FRMD3: variants seen among roughly 807,000 people sequenced by gnomAD.
FRMD3 encodes the protein FERM domain-containing protein 3.
A neutral mutation model predicts 70.2 loss-of-function variants in FRMD3; 33 were observed. That is an observed-to-expected ratio of 0.47 (90% CI 0.36 to 0.63). The LOEUF is 0.63. Ranked by LOEUF, FRMD3 falls within the 20% of genes least tolerant of loss-of-function variation. The probability of loss-of-function intolerance (pLI) is 0.00; values close to 1 mark genes in which losing one functional copy is unlikely to be tolerated. For synonymous variants in FRMD3, 279 were observed against 255.9 expected (o/e 1.09, Z -0.86); for missense variants, 632 against 711.4 (o/e 0.89, Z 1.27).
intron 3 of FRMD3, among the ~76,000 whole-genome samples, chr9:83,355,666 T>C (rs900337569): frequency 2.6e-5 from 4 of 152,134 alleles, no homozygotes; most frequent in Non-Finnish European, 5.9e-5. Context: ...CAGGGCATTA[T>C]CTAAATGTGA....
intron 2 of FRMD3, among the ~76,000 whole-genome samples, chr9:83,373,701 C>T (rs528110574): frequency 6.6e-6 from 1 of 152,112 alleles, no homozygotes; most frequent in Admixed American, 6.5e-5. Flanking sequence ...ACCATGAGGT[C>T]CCTGAAGCTG....
At chr9:83,365,839 G>C (rs540053644) in intron 3 of FRMD3, among the ~76,000 whole-genome samples, 37 of 152,308 alleles carry the variant, frequency 2.4e-4, no homozygotes, top group African/African-American at 7.7e-4. Flanking sequence ...AGCAGTTCCT[G>C]CCTGTCCCAG....
chr9:83,407,491 T>A (rs1314851149), intron 1 of FRMD3, among the ~76,000 whole-genome samples: 1 of 152,176 alleles, frequency 6.6e-6, no homozygotes, highest in Non-Finnish European at 1.5e-5. Flanking sequence ...AAAAAGGCAT[T>A]CGGCTCCACA....
At chr9:83,545,215 C>T in the FRMD3 span, among the ~76,000 whole-genome samples, 1 of 152,056 alleles carries the variant, frequency 6.6e-6, no homozygotes. Flanking sequence ...ATGAAACAGT[C>T]ATTGAAGCAA....
At chr9:83,440,127 A>G (rs1200397699) in intron 1 of FRMD3, among the ~76,000 whole-genome samples, 1 of 152,214 alleles carries the variant, frequency 6.6e-6, no homozygotes, top group Non-Finnish European at 1.5e-5. Flanking sequence ...TTCTACCAGC[A>G]GAGGAAACCA....
chr9:83,346,255 C>CAAAAAAAAAAAAAAAAAAAAA, intron 4 of FRMD3, among the ~76,000 whole-genome samples: 1 of 62,146 alleles, frequency 1.6e-5, no homozygotes, highest in African/African-American at 6.7e-5. Context: ...GACGCCATCT[C>CAAAAAAAAAAAAAAAAAAAAA]AAAAAAAAAA....
chr9:83,509,473 G>C (rs1240869283), intron 1 of FRMD3, among the ~76,000 whole-genome samples: 1 of 152,152 alleles, frequency 6.6e-6, no homozygotes, highest in Non-Finnish European at 1.5e-5. Flanking sequence ...TATTAGGTTT[G>C]TCTACTTTAA....
chr9:83,315,441 C>A (rs1002709634), intron 6 of FRMD3, among the ~76,000 whole-genome samples: 2 of 152,102 alleles, frequency 1.3e-5, no homozygotes, highest in Non-Finnish European at 2.9e-5. Context: ...TAATCCCCAA[C>A]GTTGGAGGAG....
At chr9:83,267,723 T>C (rs1403473156) in intron 13 of FRMD3, among the ~76,000 whole-genome samples, 1 of 152,210 alleles carries the variant, frequency 6.6e-6, no homozygotes, top group African/African-American at 2.4e-5. Context: ...TCAAAATTTA[T>C]TAATAATTAA....
intron 13 of FRMD3, among the ~76,000 whole-genome samples, chr9:83,252,410 C>CA (rs1287306794): frequency 6.6e-6 from 1 of 152,198 alleles, no homozygotes; most frequent in Non-Finnish European, 1.5e-5. Context: ...CCAGCCACTA[C>CA]AAAAACACAC....
At chr9:83,341,700 T>C (rs1368685152) in intron 5 of FRMD3, among the ~76,000 whole-genome samples, 1 of 152,102 alleles carries the variant, frequency 6.6e-6, no homozygotes, top group Non-Finnish European at 1.5e-5. Flanking sequence ...CATAGTGCTT[T>C]AAATGGGAAA....
intron 1 of FRMD3, among the ~76,000 whole-genome samples, chr9:83,420,225 A>G (rs1384122762): frequency 6.6e-6 from 1 of 152,158 alleles, no homozygotes; most frequent in Non-Finnish European, 1.5e-5. Flanking sequence ...ATGATGATAG[A>G]AAGTGGGAAA....
intron 6 of FRMD3, among the ~76,000 whole-genome samples, chr9:83,329,997 G>A (rs986488405): frequency 6.6e-6 from 1 of 152,084 alleles, no homozygotes; most frequent in Non-Finnish European, 1.5e-5. Context: ...CAGGACTAAC[G>A]GAATGGGTAT....
intron 1 of FRMD3, among the ~76,000 whole-genome samples, chr9:83,492,398 G>A (rs1401698586): frequency 6.6e-6 from 1 of 152,102 alleles, no homozygotes; most frequent in African/African-American, 2.4e-5. Flanking sequence ...AATGTGGCAC[G>A]AGTTTGGGGA....
chr9:83,298,716 C>T (rs768021957), intron 12 of FRMD3, 32 bp downstream of exon 12: 111 of 1,590,722 alleles, frequency 7.0e-5, no homozygotes, highest in Non-Finnish European at 9.6e-5. Context: ...GCTTTTAAAG[C>T]CACCTGGAAC....
intron 1 of FRMD3, among the ~76,000 whole-genome samples, chr9:83,464,402 G>A (rs570673165): frequency 6.6e-6 from 1 of 152,278 alleles, no homozygotes; most frequent in Non-Finnish European, 1.5e-5. Context: ...GGGCCAGCTA[G>A]GTTCTGGCTC....
chr9:83,291,396 G>C (rs116832248), intron 12 of FRMD3, among the ~76,000 whole-genome samples: 2,104 of 152,256 alleles, frequency 0.014, 44 homozygotes, highest in African/African-American at 0.048. Context: ...TGCCCTACCT[G>C]CTGCAGAGAT....
At chr9:83,541,986 C>T (rs1830005200), upstream of FRMD3, among the ~76,000 whole-genome samples, 1 of 152,022 alleles carries the variant, frequency 6.6e-6, no homozygotes, top group Non-Finnish European at 1.5e-5. Context: ...CTATGTTGCT[C>T]AGGCTGGTCT....
chr9:83,360,583 C>T (rs1824550107), intron 3 of FRMD3, among the ~76,000 whole-genome samples: 1 of 152,158 alleles, frequency 6.6e-6, no homozygotes, highest in African/African-American at 2.4e-5. Flanking sequence ...CCTGAAAGTA[C>T]TGCCCCAGAG....
Sources: gnomAD v4.1 joint callset for allele counts (sites outside exome capture counted in the v4.1 genomes callset) on GRCh38, gnomAD v4.1.1 for gene constraint, MANE v1.5 for transcripts, NCBI Gene and HGNC (gene_info 2026-07-23, HGNC 2026-07-21) for gene names.